Variants in CSMD1 observed in about 807,000 individuals in gnomAD.
CSMD1 encodes the protein CUB and sushi domain-containing protein 1.
Under a neutral mutation model 417.5 loss-of-function variants are expected in CSMD1, and 213 were observed. That is an observed-to-expected ratio of 0.51 (90% CI 0.46 to 0.57). The LOEUF (loss-of-function observed/expected upper bound fraction) is 0.57. CSMD1 is among the 20% of genes least tolerant of loss of function. The probability of loss-of-function intolerance (pLI) is 0.00; values close to 1 mark genes in which losing one functional copy is unlikely to be tolerated. For synonymous variants in CSMD1, 2,862 were observed against 1,736.8 expected (o/e 1.65, Z -16.11); for missense variants, 6,923 against 4,529.7 (o/e 1.53, Z -15.17).
At chr8:3,751,740 G>C (rs377481376) in intron 6 of CSMD1, among the ~76,000 whole-genome samples, 1 of 151,988 alleles carries the variant, frequency 6.6e-6, no homozygotes, top group East Asian at 1.9e-4. Context: ...CAGCTTCAAA[G>C]TTGATATTCC....
chr8:4,647,379 C>A (rs1473108404), intron 1 of CSMD1, among the ~76,000 whole-genome samples: 1 of 149,078 alleles, frequency 6.7e-6, no homozygotes, highest in Non-Finnish European at 1.5e-5. Flanking sequence ...TACGTAGGTA[C>A]GCGTGTGCCA....
At chr8:3,131,079 C>A (rs932899356) in intron 41 of CSMD1, among the ~76,000 whole-genome samples, 7 of 152,098 alleles carry the variant, frequency 4.6e-5, no homozygotes, top group Non-Finnish European at 7.4e-5. Flanking sequence ...ATAAGTTTCT[C>A]AAACTAATGT....
At chr8:4,804,485 T>C (rs564385776) in intron 1 of CSMD1, among the ~76,000 whole-genome samples, 2 of 140,136 alleles carry the variant, frequency 1.4e-5, no homozygotes, top group African/African-American at 2.7e-5. Flanking sequence ...TAAAAAGGGA[T>C]TCCTGACTGA....
At chr8:4,624,449 C>T (rs1801979422) in intron 2 of CSMD1, among the ~76,000 whole-genome samples, 1 of 152,146 alleles carries the variant, frequency 6.6e-6, no homozygotes, top group African/African-American at 2.4e-5. Context: ...GCATATGGCA[C>T]TGACAAGGCT....
intron 49 of CSMD1, among the ~76,000 whole-genome samples, chr8:3,062,361 C>T (rs888590689): frequency 1.6e-4 from 24 of 152,268 alleles, no homozygotes; most frequent in African/African-American, 5.8e-4. Context: ...GGTCACACTG[C>T]TTTTCTTTAC....
At chr8:3,540,428 C>T (rs1156290953) in intron 10 of CSMD1, among the ~76,000 whole-genome samples, 2 of 152,030 alleles carry the variant, frequency 1.3e-5, no homozygotes, top group South Asian at 4.2e-4. Context: ...CTATAAAAAC[C>T]CTAGAATAAA....
At chr8:4,026,143 C>T (rs1224559783) in intron 4 of CSMD1, among the ~76,000 whole-genome samples, 1 of 152,120 alleles carries the variant, frequency 6.6e-6, no homozygotes, top group Non-Finnish European at 1.5e-5. Context: ...TTACATCTCT[C>T]ATAAATATGT....
chr8:4,305,924 C>T (rs770388159), intron 3 of CSMD1, among the ~76,000 whole-genome samples: 1 of 152,092 alleles, frequency 6.6e-6, no homozygotes, highest in African/African-American at 2.4e-5. Context: ...CATTCTATAA[C>T]CTTTATTTAA....
At chr8:4,184,780 C>CA (rs1798569804) in intron 3 of CSMD1, among the ~76,000 whole-genome samples, 1 of 6,516 alleles carries the variant, frequency 1.5e-4, no homozygotes, top group South Asian at 0.01. Context: ...TAATCTGTAC[C>CA]ACAACCTGTG....
chr8:3,279,751 T>C (rs1165568802), intron 26 of CSMD1, among the ~76,000 whole-genome samples: 2 of 152,014 alleles, frequency 1.3e-5, no homozygotes. Context: ...AGCACCTTCT[T>C]TAGAGGGTGT....
At chr8:3,518,016 C>G (rs758043336) in intron 10 of CSMD1, among the ~76,000 whole-genome samples, 1 of 152,066 alleles carries the variant, frequency 6.6e-6, no homozygotes, top group Non-Finnish European at 1.5e-5. Flanking sequence ...TAAGAAACAA[C>G]TCTAGAAAAT....
intron 50 of CSMD1, among the ~76,000 whole-genome samples, chr8:3,043,434 G>C (rs1014235188): frequency 6.6e-6 from 1 of 151,898 alleles, no homozygotes; most frequent in South Asian, 2.1e-4. Flanking sequence ...GATGGAACTG[G>C]TGATATAAAC....
chr8:4,912,276 G>C (rs1249815355), intron 1 of CSMD1, among the ~76,000 whole-genome samples: 2 of 152,100 alleles, frequency 1.3e-5, no homozygotes, highest in African/African-American at 2.4e-5. Flanking sequence ...GAAGGCAGTA[G>C]ATTGTACTAA....
chr8:4,132,507 C>G (rs958876626), intron 3 of CSMD1, among the ~76,000 whole-genome samples: 2 of 152,118 alleles, frequency 1.3e-5, no homozygotes, highest in Admixed American at 6.6e-5. Flanking sequence ...TTTTATTAGG[C>G]ATTCCCCTGT....
intron 3 of CSMD1, among the ~76,000 whole-genome samples, chr8:4,066,666 A>G (rs887656234): frequency 2.0e-5 from 3 of 152,212 alleles, no homozygotes; most frequent in East Asian, 1.9e-4. Flanking sequence ...TCATCAAACC[A>G]AGAACATTTC....
intron 2 of CSMD1, among the ~76,000 whole-genome samples, chr8:4,549,536 G>A (rs1026188409): frequency 1.3e-5 from 2 of 151,974 alleles, no homozygotes; most frequent in African/African-American, 2.4e-5. Context: ...CCCTACCCAA[G>A]AAAGACAGTC....
At chr8:3,310,179 C>T (rs983460044) in intron 23 of CSMD1, among the ~76,000 whole-genome samples, 1 of 152,304 alleles carries the variant, frequency 6.6e-6, no homozygotes. Flanking sequence ...TGATGACCTT[C>T]ATCTCACTGC....
intron 23 of CSMD1, among the ~76,000 whole-genome samples, chr8:3,329,768 G>A (rs1057509446): frequency 2.0e-5 from 3 of 152,150 alleles, no homozygotes; most frequent in African/African-American, 7.2e-5. Flanking sequence ...GTCTGTGCAG[G>A]GTGATGCATT....
chr8:4,987,535 G>A (rs924598299), intron 1 of CSMD1, among the ~76,000 whole-genome samples: 2 of 152,038 alleles, frequency 1.3e-5, no homozygotes, highest in African/African-American at 4.8e-5. Context: ...GAATTTCATT[G>A]AGGTTGAAGC....
Sources: gnomAD v4.1 joint callset for allele counts (sites outside exome capture counted in the v4.1 genomes callset) on GRCh38, gnomAD v4.1.1 for gene constraint, MANE v1.5 for transcripts, NCBI Gene and HGNC (gene_info 2026-07-23, HGNC 2026-07-21) for gene names.